Variants in AGBL1 observed in about 807,000 individuals in gnomAD.
AGBL1 encodes cytosolic carboxypeptidase 4.
In AGBL1, 130 loss-of-function variants were observed where a neutral mutation model predicts 118.9. The ratio of observed to expected loss-of-function variants is 1.09; its 90% CI spans 0.95 to 1.26. AGBL1 has a LOEUF of 1.26. Ranked by LOEUF, AGBL1 falls within the 50% of genes most tolerant of loss-of-function variation. AGBL1 has a pLI of 0.00. For synonymous variants in AGBL1, 555 were observed against 478.9 expected, an observed-to-expected ratio of 1.16 and a Z score of -2.08; for missense variants, 1,584 against 1,298.1, an observed-to-expected ratio of 1.22 and a Z score of -3.38.
chr15:86,667,267 T>TATCTATCTATCTATC (rs1382465745), intron 21 of AGBL1, among the ~76,000 whole-genome samples: 7 of 151,916 alleles, frequency 4.6e-5, no homozygotes, highest in African/African-American at 1.7e-4. Flanking sequence ...TCTATCTATC[T>TATCTATCTATCTATC]ATCTGTCTAT....
chr15:86,657,321 C>T (rs1023032850), intron 21 of AGBL1, among the ~76,000 whole-genome samples: 5 of 152,308 alleles, frequency 3.3e-5, no homozygotes, highest in Admixed American at 2.6e-4. Context: ...TGCTCCTTGA[C>T]ACAAGCTTTC....
intron 22 of AGBL1, among the ~76,000 whole-genome samples, chr15:86,682,669 C>G (rs1407360014): frequency 6.6e-6 from 1 of 151,990 alleles, no homozygotes; most frequent in Non-Finnish European, 1.5e-5. Context: ...TATTTCTCCA[C>G]AAAATTTTAA....
In AGBL1 at chr15:86,611,843, T is replaced by G. The variant is rs2084660411; in HGVS notation, c.2994+57306T>G. ...TCAGAGGCGGAAGTTTACTGTAAAC[T>G]CAGGGTGAGTCAACAGAACCACAAG... On this transcript the variant is annotated intron_variant, in intron 21 of 22. Coordinates refer to ENST00000614907, the MANE Select transcript of AGBL1 (RefSeq NM_001386094.1). Among the ~76,000 whole-genome samples, 3 of 152,110 alleles carry G rather than the reference T, an allele frequency of 2.0e-5. No homozygotes were observed. The South Asian group carries it at 6.2e-4, about 32-fold the overall frequency.
intron 22 of AGBL1, among the ~76,000 whole-genome samples, chr15:86,793,204 T>A (rs2078520707): frequency 6.6e-6 from 1 of 152,174 alleles, no homozygotes; most frequent in African/African-American, 2.4e-5. Context: ...CCAATACACA[T>A]ACTTTAGATA....
intron 6 of AGBL1, among the ~76,000 whole-genome samples, chr15:86,229,970 A>C (rs2078429306): frequency 6.6e-6 from 1 of 152,342 alleles, no homozygotes; most frequent in South Asian, 2.1e-4. Context: ...GGAGTCTGGA[A>C]GTTTGCAGAA....
intron 17 of AGBL1, among the ~76,000 whole-genome samples, chr15:86,391,217 T>C (rs2081279168): frequency 6.6e-6 from 1 of 152,084 alleles, no homozygotes; most frequent in African/African-American, 2.4e-5. Context: ...GTCTGTAAAT[T>C]ATATCACAAT....
chr15:86,464,530 G>GCA (rs1298682434), intron 18 of AGBL1, among the ~76,000 whole-genome samples: 1 of 152,166 alleles, frequency 6.6e-6, no homozygotes, highest in Admixed American at 6.6e-5. Context: ...TTTTCAAAGG[G>GCA]AATGCTTCCA....
intron 23 of AGBL1, among the ~76,000 whole-genome samples, chr15:86,964,029 C>CTGTGTG (rs1247496067): frequency 7.3e-6 from 1 of 136,270 alleles, no homozygotes; most frequent in African/African-American, 3.0e-5. Flanking sequence ...CTCTCTCTCT[C>CTGTGTG]TCTGTGTGTG....
In AGBL1 at chr15:86,216,081, C is replaced by A. The variant is rs117056507; in HGVS notation, c.489-8833C>A. On this transcript the variant is annotated intron_variant, in intron 5 of 22. Coordinates refer to ENST00000614907, the MANE Select transcript of AGBL1 (RefSeq NM_001386094.1). ...TGCTAATGTATAGAGATACAATTGA[C>A]GTTTGTATGTTAATCTGTTATCATG... Among the ~76,000 whole-genome samples the A allele has an allele frequency of 4.1e-4, 63 of 152,146 alleles. No homozygotes were observed. The South Asian group carries it at 0.012, about 30-fold the overall frequency.
At chr15:86,326,130 G>A (rs1322875141) in intron 17 of AGBL1, among the ~76,000 whole-genome samples, 1 of 152,064 alleles carries the variant, frequency 6.6e-6, no homozygotes, top group Non-Finnish European at 1.5e-5. Context: ...CCATCAACAA[G>A]TAGTTGATTT....
intron 5 of AGBL1, among the ~76,000 whole-genome samples, chr15:86,217,864 G>T (rs1254461333): frequency 1.3e-5 from 2 of 152,166 alleles, no homozygotes; most frequent in East Asian, 3.9e-4. Flanking sequence ...CAGAGCAAGA[G>T]TGGATGTGGG....
At chr15:86,207,416 T>C (rs986671844) in intron 5 of AGBL1, among the ~76,000 whole-genome samples, 1 of 152,220 alleles carries the variant, frequency 6.6e-6, no homozygotes, top group Non-Finnish European at 1.5e-5. Flanking sequence ...ATAGCCATTT[T>C]CACGATATTG....
intron 21 of AGBL1, among the ~76,000 whole-genome samples, chr15:86,610,882 C>G (rs982183059): frequency 6.6e-6 from 1 of 152,116 alleles, no homozygotes; most frequent in Non-Finnish European, 1.5e-5. Flanking sequence ...TGCTCTGGAT[C>G]AGTGGTTCTC....
At chr15:86,801,811 A>G (rs2078653906) in intron 22 of AGBL1, among the ~76,000 whole-genome samples, 1 of 152,130 alleles carries the variant, frequency 6.6e-6, no homozygotes, top group African/African-American at 2.4e-5. Context: ...AAGTACTAGT[A>G]AATAGAAAAG....
At chr15:86,301,934 G>A (rs932431791) in intron 17 of AGBL1, among the ~76,000 whole-genome samples, 13 of 152,036 alleles carry the variant, frequency 8.6e-5, no homozygotes, top group Admixed American at 4.6e-4. Context: ...GAGAATACAT[G>A]AAAAGTAAAA....
chr15:86,147,124 T>A (rs1488407455), intron 3 of AGBL1, among the ~76,000 whole-genome samples: 1 of 152,126 alleles, frequency 6.6e-6, no homozygotes, highest in African/African-American at 2.4e-5. Flanking sequence ...GTAGAAATAT[T>A]AGAGGGGAAA....
intron 3 of AGBL1, among the ~76,000 whole-genome samples, chr15:86,144,893 T>G (rs911079335): frequency 3.3e-5 from 5 of 152,190 alleles, no homozygotes; most frequent in African/African-American, 1.2e-4. Context: ...ACAAACTGTT[T>G]AGCTTAACGT....
chr15:86,837,829 A>C (rs1369029299), intron 22 of AGBL1, among the ~76,000 whole-genome samples: 4 of 152,168 alleles, frequency 2.6e-5, no homozygotes, highest in Non-Finnish European at 5.9e-5. Flanking sequence ...TTACTGGCTG[A>C]AGACCAACCT....
intron 15 of AGBL1, among the ~76,000 whole-genome samples, chr15:86,277,147 A>AT (rs60962004): frequency 0.073 from 10,493 of 143,290 alleles, 711 homozygotes; most frequent in African/African-American, 0.18. Flanking sequence ...TTATAATAAG[A>AT]TTTTTTTTTT....
Sources: allele counts gnomAD v4.1 joint callset (sites outside exome capture counted in the v4.1 genomes callset), GRCh38; gene constraint gnomAD v4.1.1; transcripts MANE v1.5; gene names NCBI Gene and HGNC (gene_info 2026-07-23, HGNC 2026-07-21).